Variants in DCC observed in about 807,000 individuals in gnomAD.
DCC encodes netrin receptor DCC.
A neutral mutation model predicts 172.5 loss-of-function variants in DCC; 58 were observed. The ratio of observed to expected loss-of-function variants is 0.34; its 90% CI spans 0.27 to 0.42. DCC has a LOEUF of 0.42. DCC is among the 10% of genes least tolerant of loss of function. DCC has a pLI of 1.00. For synonymous variants in DCC, 709 were observed against 644.5 expected (o/e 1.10, Z -1.52); for missense variants, 1,740 against 1,791.0 (o/e 0.97, Z 0.51).
At chr18:53,031,633 A>G (rs1399067550) in intron 5 of DCC, among the ~76,000 whole-genome samples, 1 of 152,146 alleles carries the variant, frequency 6.6e-6, no homozygotes, top group Non-Finnish European at 1.5e-5. Context: ...AACTAAAAAA[A>G]TTTTCAAGGA....
At chr18:53,300,976 T>C (rs1368477801) in intron 12 of DCC, among the ~76,000 whole-genome samples, 1 of 143,018 alleles carries the variant, frequency 7.0e-6, no homozygotes, top group African/African-American at 2.6e-5. Flanking sequence ...TTTCTTTCTT[T>C]CTTTCTTTCT....
At chr18:53,157,979 GGATT>G (rs1159450713) in intron 8 of DCC, among the ~76,000 whole-genome samples, 1 of 152,040 alleles carries the variant, frequency 6.6e-6, no homozygotes, top group African/African-American at 2.4e-5. Context: ...GTGTATAATT[GGATT>G]GTTTGTAATG....
At chr18:52,973,738 A>T (rs2041067441) in intron 5 of DCC, among the ~76,000 whole-genome samples, 1 of 152,202 alleles carries the variant, frequency 6.6e-6, no homozygotes, top group Admixed American at 6.5e-5. Flanking sequence ...GGCCTAGAGT[A>T]TGTAGGATTC....
At chr18:53,305,756 A>G in intron 13 of DCC, 37 bp downstream of exon 13, 1 of 1,597,778 alleles carries the variant, frequency 6.3e-7, no homozygotes, top group Non-Finnish European at 8.6e-7. Flanking sequence ...CAAGGTTTTG[A>G]TGAATTAAAT....
At chr18:53,104,644 C>G (rs2043219243) in intron 7 of DCC, among the ~76,000 whole-genome samples, 1 of 152,048 alleles carries the variant, frequency 6.6e-6, no homozygotes, top group South Asian at 2.1e-4. Flanking sequence ...ATCACTGGAA[C>G]AGTTTTACAA....
chr18:53,229,106 G>A (rs762822053), intron 12 of DCC, among the ~76,000 whole-genome samples: 1 of 152,028 alleles, frequency 6.6e-6, no homozygotes. Context: ...AGTCCAAATA[G>A]TATAAAGGGA....
chr18:52,780,052 A>AC (rs5824961), intron 2 of DCC, among the ~76,000 whole-genome samples: 3,323 of 152,244 alleles, frequency 0.022, 116 homozygotes, highest in African/African-American at 0.075. Context: ...TTACTACTTC[A>AC]TCGTGGCCTT....
chr18:53,092,787 T>A (rs528999307), intron 7 of DCC, among the ~76,000 whole-genome samples: 1 of 152,270 alleles, frequency 6.6e-6, no homozygotes, highest in African/African-American at 2.4e-5. Context: ...TCCTTCCATA[T>A]ACCAATCCAG....
chr18:52,905,079 G>A (rs148955368), intron 2 of DCC, among the ~76,000 whole-genome samples: 1 of 152,122 alleles, frequency 6.6e-6, no homozygotes, highest in Non-Finnish European at 1.5e-5. Flanking sequence ...CGTCATGGCA[G>A]AGAAGCCTTC....
intron 1 of DCC, among the ~76,000 whole-genome samples, chr18:52,583,974 T>C (rs2033615102): frequency 6.6e-6 from 1 of 152,202 alleles, no homozygotes; most frequent in African/African-American, 2.4e-5. Flanking sequence ...CTTTCGAAAC[T>C]TACTGCCTAG....
rs186110105 is a variant in DCC at position 52,898,121 on chromosome 18, C to T, written c.413-7923C>T. 8.7e-4 allele frequency among the ~76,000 whole-genome samples: 132 copies of T among 152,296 alleles called. 1 individual carries two copies. Among genetic ancestry groups the T allele is most frequent in the Admixed American group, 1.2e-3 (18 of 15,300 alleles). ...TTGGAGCAAACAAAGCATTTACAGCCGCTCTCCTCTGGCAGTTGCAGAGTA... is the reference window on the plus strand; with the variant it reads ...TTGGAGCAAACAAAGCATTTACAGCTGCTCTCCTCTGGCAGTTGCAGAGTA... On this transcript the variant is annotated intron_variant, in intron 2 of 28. Transcript: ENST00000442544.
intron 27 of DCC, among the ~76,000 whole-genome samples, chr18:53,519,983 G>A (rs1281573924): frequency 6.6e-6 from 1 of 152,068 alleles, no homozygotes; most frequent in East Asian, 1.9e-4. Flanking sequence ...AACACTGCCA[G>A]GCACACCAAA....
intron 2 of DCC, among the ~76,000 whole-genome samples, chr18:52,772,369 CCTT>C (rs1425453700): frequency 2.0e-5 from 3 of 152,090 alleles, no homozygotes; most frequent in African/African-American, 7.2e-5. Flanking sequence ...TTTCAGAAAG[CCTT>C]ATTAAATGCA....
At chr18:52,361,530 G>A (rs1598861531) in intron 1 of DCC, among the ~76,000 whole-genome samples, 1 of 152,188 alleles carries the variant, frequency 6.6e-6, no homozygotes, top group East Asian at 1.9e-4. Flanking sequence ...ACACGTGCTA[G>A]GCATGCCTGT....
At chr18:52,888,680 T>G (rs2039604071) in intron 2 of DCC, among the ~76,000 whole-genome samples, 1 of 151,934 alleles carries the variant, frequency 6.6e-6, no homozygotes, top group African/African-American at 2.4e-5. Context: ...TAACATAAAA[T>G]TACTTTTTAA....
intron 2 of DCC, among the ~76,000 whole-genome samples, chr18:52,897,027 A>G (rs7236792): frequency 0.4 from 60,397 of 152,022 alleles, 12,569 homozygotes; most frequent in Non-Finnish European, 0.47. Context: ...GAATTACTCC[A>G]TGGCTTTGAA....
At chr18:53,324,530 C>T (rs2057446463) in intron 14 of DCC, among the ~76,000 whole-genome samples, 1 of 152,066 alleles carries the variant, frequency 6.6e-6, no homozygotes, top group Admixed American at 6.6e-5. Context: ...GAAAATCTTT[C>T]TGTTTAGATG....
At chr18:52,769,385 A>G (rs2037303916) in intron 2 of DCC, among the ~76,000 whole-genome samples, 1 of 152,132 alleles carries the variant, frequency 6.6e-6, no homozygotes, top group African/African-American at 2.4e-5. Context: ...CTTTGGTCAG[A>G]TATATGTGCA....
At chr18:52,802,506 ACT>A (rs1555665369) in intron 2 of DCC, among the ~76,000 whole-genome samples, 1 of 150,622 alleles carries the variant, frequency 6.6e-6, no homozygotes, top group Non-Finnish European at 1.5e-5. Context: ...ACAAGGTCTC[ACT>A]CTCTTGTCCA....
Sources: allele counts gnomAD v4.1 joint callset (sites outside exome capture counted in the v4.1 genomes callset), GRCh38; gene constraint gnomAD v4.1.1; transcripts MANE v1.5; gene names NCBI Gene and HGNC (gene_info 2026-07-23, HGNC 2026-07-21).